EML1: variants seen among roughly 807,000 people sequenced by gnomAD.
The protein encoded by EML1 is echinoderm microtubule-associated protein-like 1.
In EML1, 27 loss-of-function variants were observed where a neutral mutation model predicts 110.4. The observed-to-expected ratio is 0.24, with a 90% CI of 0.18 to 0.34. EML1 has a LOEUF of 0.34. Ranked by LOEUF, EML1 falls within the 10% of genes least tolerant of loss-of-function variation. EML1 has a pLI of 1.00. For synonymous variants in EML1, 344 were observed against 385.8 expected, an observed-to-expected ratio of 0.89 and a Z score of 1.27; for missense variants, 741 against 1,030.9, an observed-to-expected ratio of 0.72 and a Z score of 3.85.
At chr14:99,813,195 T>C (rs1275557508) in intron 1 of EML1, among the ~76,000 whole-genome samples, 1 of 152,132 alleles carries the variant, frequency 6.6e-6, no homozygotes, top group Non-Finnish European at 1.5e-5. Context: ...CAATTTTGTG[T>C]TTCTCAGTGA....
rs779339177 is a variant in EML1, at chr14:99,911,477, A to G, written c.1395A>G (p.Ala465=). 6.2e-7 allele frequency: 1 copy of G among 1,612,502 alleles called. No homozygotes were observed. Among genetic ancestry groups the G allele is most frequent in the Non-Finnish European group, 8.5e-7 (1 of 1,179,790 alleles). ...VQGAHEGGIF[A]LCMLRDGTLV... is the part of the protein sequence containing the mutation. ...GGGCCCATGAGGGTGGCATTTTTGC[A>G]CTTTGTATGTTAAGAGATGGCACAC... The change falls in exon 13 of 22, where the codon GCA becomes GCG. Residue 465 remains alanine (A), a synonymous_variant. Transcript: ENST00000262233.
chr14:99,898,040 A>C (rs1365853706), intron 7 of EML1, among the ~76,000 whole-genome samples, 193 bp from the exon 8 acceptor site: 1 of 152,228 alleles, frequency 6.6e-6, no homozygotes, highest in Non-Finnish European at 1.5e-5. Context: ...AGAAGAAATA[A>C]GGGAATTAAG....
intron 4 of EML1, 54 bp downstream of exon 4, chr14:99,878,673 G>A: frequency 6.4e-7 from 1 of 1,563,812 alleles, no homozygotes; most frequent in Non-Finnish European, 8.6e-7. Flanking sequence ...AGTACGGCTT[G>A]TCCCCAGAGA....
At chr14:99,884,890 G>T (rs138486515) in intron 4 of EML1, among the ~76,000 whole-genome samples, 2 of 152,176 alleles carry the variant, frequency 1.3e-5, no homozygotes, top group Non-Finnish European at 2.9e-5. Flanking sequence ...ATGAACTCCA[G>T]CTCATCCTTC....
chr14:99,739,397 G>A (rs904036262), intron 1 of EML1, among the ~76,000 whole-genome samples: 2 of 152,208 alleles, frequency 1.3e-5, no homozygotes, highest in Non-Finnish European at 2.9e-5. Context: ...GGGTATTTCA[G>A]GAAGGCCAGG....
At chr14:99,792,094 T>C (rs756292786), upstream of EML1, among the ~76,000 whole-genome samples, 2 of 152,192 alleles carry the variant, frequency 1.3e-5, no homozygotes, top group Admixed American at 6.5e-5. Context: ...CACCAGTCCT[T>C]ACTAACCCAT....
At chr14:99,933,272 T>A (rs1395411588) in intron 17 of EML1, among the ~76,000 whole-genome samples, 1 of 151,944 alleles carries the variant, frequency 6.6e-6, no homozygotes, top group Non-Finnish European at 1.5e-5. Flanking sequence ...GCCTCCCGAG[T>A]TCAAGTGATT....
chr14:99,939,584 G>T lies in EML1; in HGVS notation c.2322+257G>T, dbSNP rs754491422. Reference sequence around the variant, plus strand: ...GGCTCACGACCCCGCCCTCCCCCACGGCTCCCTTGCTCCGGCCCTGCTCAG... The same window carrying T: ...GGCTCACGACCCCGCCCTCCCCCACTGCTCCCTTGCTCCGGCCCTGCTCAG... On this transcript the variant is annotated intron_variant, in intron 21 of 21. Transcript: ENST00000262233. The surrounding 1 kb of genome is among the most constrained non-coding windows in gnomAD (Gnocchi z 4.2). Among the ~76,000 whole-genome samples, 6 of 151,972 alleles carry T rather than the reference G, an allele frequency of 3.9e-5. No homozygotes were observed. Among genetic ancestry groups the T allele is most frequent in the African/African-American group, 1.2e-4 (5 of 41,378 alleles).
chr14:99,885,185 A>G (rs2059453130), intron 4 of EML1, among the ~76,000 whole-genome samples: 1 of 152,262 alleles, frequency 6.6e-6, no homozygotes, highest in South Asian at 2.1e-4. Flanking sequence ...GTATACGATC[A>G]GGCATCACTT....
chr14:99,929,793 C>T (rs958026951), intron 17 of EML1, among the ~76,000 whole-genome samples: 6 of 152,304 alleles, frequency 3.9e-5, no homozygotes, highest in Non-Finnish European at 7.3e-5. Context: ...AGATCCCGGC[C>T]GAGATCTGTA....
At chr14:99,907,564 G>C (rs879287553) in intron 9 of EML1, 74 bp from the exon 10 acceptor site, 1 of 1,291,182 alleles carries the variant, frequency 7.7e-7, no homozygotes, top group Non-Finnish European at 1.1e-6. Flanking sequence ...AATGAAATTT[G>C]ATGTTTATTT....
chr14:99,804,938 G>T (rs1220255433), intron 1 of EML1, among the ~76,000 whole-genome samples: 1 of 152,170 alleles, frequency 6.6e-6, no homozygotes, highest in Non-Finnish European at 1.5e-5. Context: ...CCAGGGCCCT[G>T]GATGCAGCCA....
At chr14:99,914,422 C>T in intron 14 of EML1, 118 bp downstream of exon 14, 2 of 1,530,864 alleles carry the variant, frequency 1.3e-6, no homozygotes, top group Non-Finnish European at 1.8e-6. Flanking sequence ...CCCAGAGTGT[C>T]TGTGGCTGCT....
intron 1 of EML1, among the ~76,000 whole-genome samples, chr14:99,775,414 G>A (rs192494934): frequency 5.0e-4 from 76 of 152,354 alleles, no homozygotes; most frequent in Non-Finnish European, 8.5e-4. Context: ...AACTTGAGAC[G>A]TGGTGGCTGG....
intron 1 of EML1, among the ~76,000 whole-genome samples, chr14:99,845,882 C>T (rs907759402): frequency 6.6e-6 from 1 of 151,818 alleles, no homozygotes; most frequent in Non-Finnish European, 1.5e-5. Flanking sequence ...GAAACCCCAT[C>T]CTACTAAAAA....
chr14:99,818,992 C>T (rs1014301684), intron 1 of EML1, among the ~76,000 whole-genome samples: 9 of 152,068 alleles, frequency 5.9e-5, no homozygotes, highest in Non-Finnish European at 8.8e-5. Context: ...CTCGCTCTGT[C>T]ACCCACGCTT....
At position 99,808,901 on chromosome 14, in the gene EML1, A is replaced by G. The variant is rs980934173; in HGVS notation, c.67+15358A>G. Among the ~76,000 whole-genome samples the G allele has an allele frequency of 2.0e-5, 3 of 152,238 alleles. No individual in the cohort carries two copies. In the East Asian group the frequency reaches 5.8e-4, roughly 29 times the overall value. On this transcript the variant is annotated intron_variant, in intron 1 of 21. Transcript: ENST00000262233. ...AATTCTCACAACCAAACTCTAAGGT[A>G]AGTAAAATACTACTTTATCATATTT... is the stretch of plus-strand genomic sequence containing the variant.
In EML1 at chr14:99,931,019, C is replaced by T. The variant is rs899559001; in HGVS notation, c.1910-5010C>T. Among the ~76,000 whole-genome samples, 11 of 152,180 alleles carry T rather than the reference C, an allele frequency of 7.2e-5. 1 individual carries two copies. The highest frequency in any genetic ancestry group is 2.4e-4 in the African/African-American group (10 of 41,428). On this transcript the variant is annotated intron_variant, in intron 17 of 21. Transcript: ENST00000262233. ...AATCTGGCACTTACTCCGTCACTTG[C>T]AGTATTAGATCCCCCATCTGCCTGG...
At chr14:99,875,624 TG>T (rs2059277977) in intron 3 of EML1, among the ~76,000 whole-genome samples, 1 of 152,192 alleles carries the variant, frequency 6.6e-6, no homozygotes. Context: ...AGCTGTGCTC[TG>T]GGCTCTTCTT....
Sources: allele counts gnomAD v4.1 joint callset (sites outside exome capture counted in the v4.1 genomes callset), GRCh38; gene constraint gnomAD v4.1.1; non-coding constraint Gnocchi (gnomAD v3.1); transcripts MANE v1.5; gene names NCBI Gene and HGNC (gene_info 2026-07-23, HGNC 2026-07-21).